CDK6: variants seen among roughly 807,000 people sequenced by gnomAD.
CDK6 encodes cyclin-dependent kinase 6.
A neutral mutation model predicts 37.1 loss-of-function variants in CDK6; 6 were observed. That is an observed-to-expected ratio of 0.16 (90% CI 0.09 to 0.32). CDK6 has a LOEUF of 0.32. CDK6 is among the 10% of genes least tolerant of loss of function. The pLI is 1.00. For synonymous variants in CDK6, 160 were observed against 161.3 expected, an observed-to-expected ratio of 0.99 and a Z score of 0.06; for missense variants, 224 against 418.9, an observed-to-expected ratio of 0.53 and a Z score of 4.06.
At chr7:92,806,821 TTTC>T (rs1158620076) in intron 2 of CDK6, among the ~76,000 whole-genome samples, 2 of 152,198 alleles carry the variant, frequency 1.3e-5, no homozygotes, top group Non-Finnish European at 2.9e-5. Context: ...CTTCACTGCA[TTTC>T]TTCATTTTGA....
At chr7:92,709,235 CT>C (rs1013620126) in intron 4 of CDK6, among the ~76,000 whole-genome samples, 1 of 151,876 alleles carries the variant, frequency 6.6e-6, no homozygotes, top group African/African-American at 2.4e-5. Context: ...TAGTAGACTG[CT>C]TTTTTTTAGG....
chr7:92,833,307 A>C lies in CDK6; in HGVS notation c.17T>G (p.Leu6Arg). Residue 6 changes from leucine (L) to arginine (R), a missense_variant, in exon 2 of 8, where the codon CTG becomes CGG. Transcript: ENST00000424848. The surrounding 1 kb of genome is among the most constrained non-coding windows in gnomAD (Gnocchi z 6.1). ...TTCGTACTGCTGGTCAGCGCGGCAC[A>C]GGCCGTCCTTCTCCATGCCGCCTGG... is the stretch of plus-strand genomic sequence containing the variant. MEKDG[L>R]CRADQQYECV... 1 of 1,597,652 alleles carries C rather than the reference A, an allele frequency of 6.3e-7. No individual in the cohort carries two copies. Among genetic ancestry groups the C allele is most frequent in the Non-Finnish European group, 8.5e-7 (1 of 1,174,376 alleles).
intron 3 of CDK6, among the ~76,000 whole-genome samples, chr7:92,745,500 T>C (rs1340298356): frequency 1.3e-5 from 2 of 152,206 alleles, no homozygotes; most frequent in Non-Finnish European, 2.9e-5. Context: ...GGATCAGGAC[T>C]GATGCCTGCG....
intron 4 of CDK6, among the ~76,000 whole-genome samples, chr7:92,695,881 T>C (rs1797707052): frequency 6.6e-6 from 1 of 152,202 alleles, no homozygotes; most frequent in African/African-American, 2.4e-5. Flanking sequence ...CTGTGTGCAC[T>C]GGAGCTGCAC....
At chr7:92,826,274 TTAACATTC>T (rs1801309626) in intron 2 of CDK6, among the ~76,000 whole-genome samples, 1 of 151,888 alleles carries the variant, frequency 6.6e-6, no homozygotes, top group South Asian at 2.1e-4. Flanking sequence ...GTCATGGGAG[TTAACATTC>T]CATCTTACAT....
intron 2 of CDK6, among the ~76,000 whole-genome samples, chr7:92,797,599 C>T (rs1800447638): frequency 6.6e-6 from 1 of 152,104 alleles, no homozygotes; most frequent in Non-Finnish European, 1.5e-5. Flanking sequence ...AAGGCCCTGG[C>T]CCTCAGACAT....
chr7:92,650,703 T>A (rs1796552829), intron 5 of CDK6, among the ~76,000 whole-genome samples: 2 of 151,380 alleles, frequency 1.3e-5, no homozygotes, highest in African/African-American at 4.9e-5. Flanking sequence ...TTCAGTCTGA[T>A]GTGGTTGTAA....
At chr7:92,802,833 C>T (rs1800616978) in intron 2 of CDK6, among the ~76,000 whole-genome samples, 1 of 152,120 alleles carries the variant, frequency 6.6e-6, no homozygotes. Flanking sequence ...CTGTCTTGTG[C>T]ACTGTAGAAT....
chr7:92,671,479 G>C lies in CDK6; in HGVS notation c.594C>G (p.Thr198=), dbSNP rs1797070190. 1 of 1,583,068 alleles carries C rather than the reference G, an allele frequency of 6.3e-7. No homozygotes were observed. The highest frequency in any genetic ancestry group is 8.6e-7 in the Non-Finnish European group (1 of 1,164,556). The change falls in exon 5 of 8, where the codon ACC becomes ACG. Residue 198 remains threonine, a synonymous_variant. Transcript: ENST00000424848. ...AGCCAACACTCCAGAGATCCACGGG[G>C]GTGGCGTAGCTGGACTGGAGCAAGA... is the stretch of plus-strand genomic sequence containing the variant. ...PEVLLQSSYA[T]PVDLWSVGCI... is the part of the protein sequence containing the mutation.
At chr7:92,651,468 A>G (rs1796572261) in intron 5 of CDK6, among the ~76,000 whole-genome samples, 1 of 152,194 alleles carries the variant, frequency 6.6e-6, no homozygotes, top group South Asian at 2.1e-4. Context: ...AAACCAAAAG[A>G]AGAATTTCAC....
At chr7:92,772,548 A>G (rs1562961140) in intron 3 of CDK6, among the ~76,000 whole-genome samples, 1 of 151,808 alleles carries the variant, frequency 6.6e-6, no homozygotes. Flanking sequence ...AAAAAAAAAA[A>G]TTAACTTTTA....
At chr7:92,673,722 T>C (rs938919203) in intron 4 of CDK6, among the ~76,000 whole-genome samples, 4 of 152,164 alleles carry the variant, frequency 2.6e-5, no homozygotes, top group African/African-American at 9.7e-5. Context: ...TGCCACTGAA[T>C]TAGACTTTCT....
At chr7:92,763,682 G>C (rs1799512304) in intron 3 of CDK6, among the ~76,000 whole-genome samples, 1 of 152,228 alleles carries the variant, frequency 6.6e-6, no homozygotes. Flanking sequence ...CCTGGGCTTA[G>C]ATTGCCTAAA....
chr7:92,660,940 C>A (rs1334711264), intron 5 of CDK6, among the ~76,000 whole-genome samples: 2 of 152,102 alleles, frequency 1.3e-5, no homozygotes, highest in African/African-American at 4.8e-5. Flanking sequence ...ATCTGAGGGT[C>A]ATCTATATCT....
chr7:92,715,960 T>A (rs1798221229), intron 4 of CDK6, among the ~76,000 whole-genome samples: 1 of 152,168 alleles, frequency 6.6e-6, no homozygotes, highest in African/African-American at 2.4e-5. Flanking sequence ...GCAAGGTTTG[T>A]GATCTCAAAT....
intron 4 of CDK6, among the ~76,000 whole-genome samples, chr7:92,705,362 A>G (rs1797942905): frequency 6.6e-6 from 1 of 152,254 alleles, no homozygotes; most frequent in Admixed American, 6.5e-5. Flanking sequence ...GAGGAAGCAT[A>G]TAACAAGTAG....
At chr7:92,634,663 C>T (rs1796128677) in intron 5 of CDK6, among the ~76,000 whole-genome samples, 1 of 152,134 alleles carries the variant, frequency 6.6e-6, no homozygotes, top group African/African-American at 2.4e-5. Context: ...TAATATCTTT[C>T]TAATAATCAA....
In CDK6 at chr7:92,606,658, A is replaced by C. The variant is rs1012939430; in HGVS notation, c.*8482T>G. The C allele has an allele frequency of 3.0e-5, 7 of 233,086 alleles. No individual in the cohort carries two copies. Among genetic ancestry groups the C allele is most frequent in the African/African-American group, 1.1e-4 (5 of 45,362 alleles). 14.4% of individuals were successfully genotyped at this position (233,086 alleles called of 1,614,324 possible). ...TTAGATTTTTTTTTTTTACTTTCAA[A>C]ACATTTTCTATTATAAGTCAGAAGG... On this transcript the variant is annotated 3_prime_UTR_variant, in exon 8 of 8. Coordinates refer to ENST00000424848, the MANE Select transcript of CDK6 (RefSeq NM_001145306.2).
At chr7:92,824,278 A>G (rs1338765370) in intron 2 of CDK6, among the ~76,000 whole-genome samples, 1 of 152,110 alleles carries the variant, frequency 6.6e-6, no homozygotes, top group East Asian at 1.9e-4. Flanking sequence ...GTCACGCCAT[A>G]GGAACAGCCT....
Sources: allele counts gnomAD v4.1 joint callset (sites outside exome capture counted in the v4.1 genomes callset), GRCh38; gene constraint gnomAD v4.1.1; non-coding constraint Gnocchi (gnomAD v3.1); transcripts MANE v1.5; gene names NCBI Gene and HGNC (gene_info 2026-07-23, HGNC 2026-07-21).